The following NCOR2 variants were observed in gnomAD, a reference collection of about 807,000 sequenced individuals.
NCOR2 encodes nuclear receptor corepressor 2.
A neutral mutation model predicts 262.9 loss-of-function variants in NCOR2; 81 were observed. That is an observed-to-expected ratio of 0.31 (90% CI 0.26 to 0.37). The LOEUF (loss-of-function observed/expected upper bound fraction) is 0.37. NCOR2 is among the 10% of genes least tolerant of loss of function. NCOR2 has a pLI of 1.00. For synonymous variants in NCOR2, 1,659 were observed against 1,559.3 expected (o/e 1.06, Z -1.51); for missense variants, 3,385 against 3,621.4 (o/e 0.93, Z 1.68).
chr12:124,385,877 T>C (rs1481090358), exon 17 of NCOR2: 1 of 1,613,308 alleles, frequency 6.2e-7, no homozygotes, highest in African/African-American at 1.3e-5. Context: ...TGCGGCCGTG[T>C]TCCAGGAGAC....
chr12:124,470,167 G>GAAA (rs56145231), intron 4 of NCOR2, among the ~76,000 whole-genome samples: 2 of 104,822 alleles, frequency 1.9e-5, no homozygotes, highest in East Asian at 2.8e-4. Context: ...ATCCATCTCA[G>GAAA]AAAAAAAAAA....
In NCOR2 at chr12:124,389,353, C is replaced by G. The variant is rs986356537; in HGVS notation, c.1877-3466G>C. ...GTGACCTCCAGACGGAGGCTCGCGG[C>G]GGGCGGGCAGGCGGGCGGGGGAGCG... is the stretch of plus-strand genomic sequence containing the variant. On this transcript the variant is annotated intron_variant, in intron 16 of 46. Transcript: ENST00000405201. This position sits in a 1 kb window ranked among gnomAD's most constrained non-coding sequence, Gnocchi z 4.4. Among the ~76,000 whole-genome samples, 1 of 151,880 alleles carries G rather than the reference C, an allele frequency of 6.6e-6. No individual in the cohort carries two copies. The highest frequency in any genetic ancestry group is 2.0e-4 in the East Asian group (1 of 5,128).
At chr12:124,502,511 C>T (rs140073980) in intron 1 of NCOR2, among the ~76,000 whole-genome samples, 152 of 152,102 alleles carry the variant, frequency 1.0e-3, no homozygotes, top group African/African-American at 3.3e-3. Context: ...TATGCAAAGG[C>T]GCCGGGGAGA....
chr12:124,454,996 G>A lies in NCOR2; in HGVS notation c.762+2110C>T, dbSNP rs1307088605. ...AAAAAGGAACGAAGGACCGACCCAC[G>A]CTCGACACGGATGAACCTCGAAAAC... On this transcript the variant is annotated intron_variant, in intron 6 of 46. Coordinates refer to ENST00000405201, the Ensembl canonical transcript of NCOR2. This position sits in a 1 kb window ranked among gnomAD's most constrained non-coding sequence, Gnocchi z 5.6. 6.6e-6 allele frequency among the ~76,000 whole-genome samples: 1 copy of A among 151,618 alleles called. No homozygotes were observed. The highest frequency in any genetic ancestry group is 1.5e-5 in the Non-Finnish European group (1 of 67,606).
intron 4 of NCOR2, among the ~76,000 whole-genome samples, chr12:124,470,510 T>C (rs868497066): frequency 1.3e-5 from 2 of 152,140 alleles, no homozygotes; most frequent in African/African-American, 4.8e-5. Context: ...GTTTCAGCCA[T>C]AAAAAGGAAT....
chr12:124,379,233 C>T (rs2040238718), intron 17 of NCOR2, among the ~76,000 whole-genome samples: 1 of 152,084 alleles, frequency 6.6e-6, no homozygotes, highest in Non-Finnish European at 1.5e-5. Context: ...CCCTCATCGT[C>T]GGGCCTCCAC....
intron 13 of NCOR2, among the ~76,000 whole-genome samples, chr12:124,418,723 T>C (rs12298121): frequency 0.024 from 3,632 of 152,278 alleles, 140 homozygotes; most frequent in African/African-American, 0.083. Context: ...TGGGGACTTG[T>C]AGGCCACACG....
chr12:124,381,339 G>A (rs1281745360), intron 17 of NCOR2, among the ~76,000 whole-genome samples: 1 of 152,118 alleles, frequency 6.6e-6, no homozygotes, highest in Non-Finnish European at 1.5e-5. Flanking sequence ...AGACATCAGA[G>A]AGGTCTTCCC....
chr12:124,483,767 C>A lies in NCOR2; in HGVS notation c.240G>T (p.Gln80His). ...GGGACTCTGGCCGCAGGTGGAGCTCCTGGGACCTGCAGGAGGTGAGGCATC... is the reference window on the plus strand; with the variant it reads ...GGGACTCTGGCCGCAGGTGGAGCTCATGGGACCTGCAGGAGGTGAGGCATC... The change falls in exon 3 of 47, where the codon CAG becomes CAT. Residue 80 changes from glutamine (Q) to histidine (H), a missense_variant. Gln to His is a conservative substitution (Grantham distance 24). Around this residue, in one of 5 missense-constraint regions of NCOR2, gnomAD observed 237 missense variants for 229.4 expected, o/e 1.03. Transcript: ENST00000405201. This position sits in a 1 kb window ranked among gnomAD's most constrained non-coding sequence, Gnocchi z 6.3. 6.2e-7 allele frequency: 1 copy of A among 1,600,292 alleles called. No individual in the cohort carries two copies.
intron 23 of NCOR2, among the ~76,000 whole-genome samples, chr12:124,356,141 T>C (rs909751896): frequency 6.6e-6 from 1 of 152,214 alleles, no homozygotes; most frequent in African/African-American, 2.4e-5. Context: ...CTGGCATGAC[T>C]TTCCCTGTTC....
intron 16 of NCOR2, among the ~76,000 whole-genome samples, chr12:124,397,469 C>A (rs1419817222): frequency 3.3e-5 from 5 of 152,196 alleles, no homozygotes; most frequent in Admixed American, 2.6e-4. Context: ...CACGGTGCTG[C>A]ACATCACAAG....
At chr12:124,508,831 G>A (rs2049203757) in intron 1 of NCOR2, among the ~76,000 whole-genome samples, 1 of 152,196 alleles carries the variant, frequency 6.6e-6, no homozygotes, top group South Asian at 2.1e-4. Context: ...GGCTTATGAC[G>A]TGGTCACTGG....
At chr12:124,428,086 T>TGTGTGTGTGTGTGTGTGTGCGCGCGC (rs958627720) in intron 10 of NCOR2, among the ~76,000 whole-genome samples, 2 of 147,054 alleles carry the variant, frequency 1.4e-5, no homozygotes, top group Non-Finnish European at 3.0e-5. Context: ...TGTGTGTGTG[T>TGTGTGTGTGTGTGTGTGTGCGCGCGC]GTACATGCAA....
intron 13 of NCOR2, among the ~76,000 whole-genome samples, chr12:124,412,628 C>A (rs2042642824): frequency 6.6e-6 from 1 of 152,218 alleles, no homozygotes; most frequent in Admixed American, 6.5e-5. Context: ...GAGTGTACTC[C>A]CATGGGTGGT....
At chr12:124,344,983 G>A (rs201371240) in intron 31 of NCOR2, 32 bp from the exon 34 acceptor site, 2 of 1,490,868 alleles carry the variant, frequency 1.3e-6, no homozygotes, top group East Asian at 5.0e-5. Context: ...CTCTAGCCCT[G>A]GCCACAGCCA....
At chr12:124,436,879 G>A (rs1393577879) in intron 8 of NCOR2, among the ~76,000 whole-genome samples, 1 of 152,160 alleles carries the variant, frequency 6.6e-6, no homozygotes, top group East Asian at 1.9e-4. Flanking sequence ...CCTGAGGTCG[G>A]GAGTTCAAGA....
At chr12:124,353,542 T>C (rs1339886788) in intron 27 of NCOR2, among the ~76,000 whole-genome samples, 1 of 152,354 alleles carries the variant, frequency 6.6e-6, no homozygotes, top group East Asian at 1.9e-4. Context: ...CCACGCTCTG[T>C]CACTGTGTTC....
chr12:124,398,868 G>A (rs1348526980), intron 15 of NCOR2, among the ~76,000 whole-genome samples: 1 of 152,248 alleles, frequency 6.6e-6, no homozygotes, highest in East Asian at 1.9e-4. Flanking sequence ...GGCTTCTGGT[G>A]TTACTGGGAA....
At chr12:124,474,316 G>A (rs937745155) in intron 3 of NCOR2, among the ~76,000 whole-genome samples, 7 of 152,212 alleles carry the variant, frequency 4.6e-5, no homozygotes, top group African/African-American at 1.4e-4. Context: ...GAGTTATCTC[G>A]GCAGCAGGGC....
Sources: allele counts gnomAD v4.1 joint callset (sites outside exome capture counted in the v4.1 genomes callset), GRCh38; gene constraint gnomAD v4.1.1; regional missense constraint gnomAD v4.1.1; non-coding constraint Gnocchi (gnomAD v3.1); transcripts MANE v1.5; gene names NCBI Gene and HGNC (gene_info 2026-07-23, HGNC 2026-07-21).